GPR137C: variants seen among roughly 807,000 people sequenced by gnomAD.
The protein encoded by GPR137C is G protein-coupled receptor 137C.
In GPR137C, 27 loss-of-function variants were observed where a neutral mutation model predicts 43.4. The observed-to-expected ratio is 0.62, with a 90% CI of 0.46 to 0.86. GPR137C has a LOEUF of 0.86. Ranked by LOEUF, GPR137C falls within the 40% of genes least tolerant of loss-of-function variation. The probability of loss-of-function intolerance (pLI) is 0.00; values close to 1 mark genes in which losing one functional copy is unlikely to be tolerated. For synonymous variants in GPR137C, 285 were observed against 226.9 expected (o/e 1.26, Z -2.30); for missense variants, 522 against 534.6 (o/e 0.98, Z 0.23).
chr14:52,612,374 C>A, intron 3 of GPR137C: 1 of 935,932 alleles, frequency 1.1e-6, no homozygotes, highest in Non-Finnish European at 1.3e-6. Flanking sequence ...TCTTATCCTA[C>A]TGATAGGCCT....
At chr14:52,560,045 T>A (rs2038256392) in intron 1 of GPR137C, among the ~76,000 whole-genome samples, 1 of 152,034 alleles carries the variant, frequency 6.6e-6, no homozygotes, top group South Asian at 2.1e-4. Context: ...TAATTCCAGC[T>A]ACTTGGGAGG....
intron 1 of GPR137C, among the ~76,000 whole-genome samples, chr14:52,555,396 G>A: frequency 6.6e-6 from 1 of 152,046 alleles, no homozygotes; most frequent in Non-Finnish European, 1.5e-5. Context: ...CCACCACCCA[G>A]ATTAAGATAT....
At chr14:52,560,186 C>CA (rs1308400851) in intron 1 of GPR137C, among the ~76,000 whole-genome samples, 4 of 151,898 alleles carry the variant, frequency 2.6e-5, no homozygotes, top group African/African-American at 9.7e-5. Context: ...GCAATAGTGT[C>CA]AAAAAATTAA....
intron 1 of GPR137C, among the ~76,000 whole-genome samples, chr14:52,554,715 A>T (rs556432092): frequency 4.6e-3 from 168 of 36,568 alleles, no homozygotes; most frequent in African/African-American, 0.038. Flanking sequence ...AGCAAAAGTA[A>T]AAAAAAAAAA....
intron 1 of GPR137C, among the ~76,000 whole-genome samples, chr14:52,555,410 G>A (rs1158375512): frequency 1.3e-5 from 2 of 152,062 alleles, no homozygotes; most frequent in African/African-American, 2.4e-5. Context: ...AAGATATAAA[G>A]CATTTTCCGT....
intron 1 of GPR137C, among the ~76,000 whole-genome samples, chr14:52,585,094 T>A (rs2038695782): frequency 6.6e-6 from 1 of 152,178 alleles, no homozygotes; most frequent in South Asian, 2.1e-4. Context: ...AGAAGTGACC[T>A]TGCCACCTAC....
intron 3 of GPR137C, among the ~76,000 whole-genome samples, chr14:52,604,399 A>C (rs2038960651): frequency 6.6e-6 from 1 of 151,500 alleles, no homozygotes; most frequent in Non-Finnish European, 1.5e-5. Flanking sequence ...TTCAGGTCTT[A>C]AATTTATGTT....
intron 3 of GPR137C, among the ~76,000 whole-genome samples, chr14:52,625,987 A>G (rs947897390): frequency 7.2e-5 from 11 of 152,240 alleles, no homozygotes; most frequent in African/African-American, 2.4e-4. Flanking sequence ...AATTGAAAAT[A>G]TTAAATAAAT....
At chr14:52,560,662 A>G (rs1365596801) in intron 1 of GPR137C, among the ~76,000 whole-genome samples, 1 of 152,212 alleles carries the variant, frequency 6.6e-6, no homozygotes, top group Non-Finnish European at 1.5e-5. Flanking sequence ...TAGTGGGGAA[A>G]AGTTTTGTCA....
At chr14:52,585,946 C>T (rs1395168271) in intron 1 of GPR137C, among the ~76,000 whole-genome samples, 1 of 152,194 alleles carries the variant, frequency 6.6e-6, no homozygotes, top group East Asian at 1.9e-4. Context: ...CTGTGAGTCT[C>T]AAAGCCCCCA....
At chr14:52,575,019 T>C (rs775783228) in intron 1 of GPR137C, among the ~76,000 whole-genome samples, 8 of 152,332 alleles carry the variant, frequency 5.3e-5, no homozygotes, top group Non-Finnish European at 1.2e-4. Flanking sequence ...GGAGTCTAAA[T>C]CTATATTGTA....
At chr14:52,593,138 G>A (rs573747528) in intron 1 of GPR137C, among the ~76,000 whole-genome samples, 36 of 152,186 alleles carry the variant, frequency 2.4e-4, no homozygotes, top group Non-Finnish European at 4.0e-4. Flanking sequence ...TATGTTTATT[G>A]ATTTGCATAT....
chr14:52,599,813 A>C (rs995753459), intron 2 of GPR137C, among the ~76,000 whole-genome samples: 4 of 152,214 alleles, frequency 2.6e-5, no homozygotes, highest in Admixed American at 2.0e-4. Context: ...TTTCAGGCAC[A>C]TTGTAAAAGC....
intron 1 of GPR137C, among the ~76,000 whole-genome samples, chr14:52,576,246 T>C (rs747527182): frequency 3.9e-5 from 6 of 152,242 alleles, no homozygotes; most frequent in Non-Finnish European, 7.3e-5. Context: ...TTCTGAGTTA[T>C]TTTACTTAGG....
chr14:52,597,511 T>A (rs1440524692), intron 1 of GPR137C, among the ~76,000 whole-genome samples: 1 of 152,242 alleles, frequency 6.6e-6, no homozygotes, highest in Non-Finnish European at 1.5e-5. Context: ...CTGGTCTTTC[T>A]ACTTTTATTT....
intron 1 of GPR137C, among the ~76,000 whole-genome samples, chr14:52,557,272 A>G (rs879811733): frequency 6.6e-6 from 1 of 152,224 alleles, no homozygotes; most frequent in Admixed American, 6.5e-5. Flanking sequence ...GTTATCTAAA[A>G]TATGGGGGTT....
At chr14:52,568,542 A>G (rs2038410108) in intron 1 of GPR137C, among the ~76,000 whole-genome samples, 1 of 152,188 alleles carries the variant, frequency 6.6e-6, no homozygotes, top group Admixed American at 6.5e-5. Context: ...CCAGCAAGCT[A>G]AGATCCACTA....
rs754761886 is a variant in GPR137C, at chr14:52,598,256, T to TA, written c.445-15dup. ...TTACACGTTTTCAAAATTTTTTTTT[T>TA]ATATTCTCTTTATAGGTTATATGTA... On this transcript the variant is annotated splice_polypyrimidine_tract_variant and intron_variant, in intron 1 of 6. Coordinates refer to ENST00000321662, the MANE Select transcript of GPR137C (RefSeq NM_001099652.2). 1.2e-4 allele frequency: 151 copies of TA among 1,208,314 alleles called. No homozygotes were observed. The African/African-American group carries it at 2.1e-3, about 17-fold the overall frequency. 74.8% of individuals were successfully genotyped at this position (1,208,314 alleles called of 1,614,324 possible). A position where few individuals can be genotyped will look rare whatever the true frequency, so the allele number is the denominator to read the frequency against.
At chr14:52,563,771 G>A (rs146766927) in intron 1 of GPR137C, among the ~76,000 whole-genome samples, 79 of 151,988 alleles carry the variant, frequency 5.2e-4, no homozygotes, top group Admixed American at 7.9e-4. Flanking sequence ...CCCTCATTAC[G>A]CACATTCACT....
Sources: gnomAD v4.1 joint callset for allele counts (sites outside exome capture counted in the v4.1 genomes callset) on GRCh38, gnomAD v4.1.1 for gene constraint, MANE v1.5 for transcripts, NCBI Gene and HGNC (gene_info 2026-07-23, HGNC 2026-07-21) for gene names.